The following ARFGEF2 variants were observed in gnomAD, a reference collection of about 807,000 sequenced individuals.
ARFGEF2 encodes ARF guanine nucleotide exchange factor 2, also known as brefeldin A-inhibited guanine nucleotide-exchange protein 2.
ARFGEF2 carries 74 observed loss-of-function variants against 219.9 expected under a neutral mutation model. The ratio of observed to expected loss-of-function variants is 0.34; its 90% CI spans 0.28 to 0.41. The LOEUF (loss-of-function observed/expected upper bound fraction) is 0.41. ARFGEF2 is among the 10% of genes least tolerant of loss of function. ARFGEF2 has a pLI of 1.00. For missense variants in ARFGEF2, 1,743 were observed against 2,218.3 expected (o/e 0.79, Z 4.30); for synonymous variants, 733 against 799.2 (o/e 0.92, Z 1.40).
chr20:49,008,269 T>C (rs2091475119), intron 26 of ARFGEF2, among the ~76,000 whole-genome samples: 1 of 152,214 alleles, frequency 6.6e-6, no homozygotes, highest in Admixed American at 6.5e-5. Context: ...GTTAAAAATG[T>C]TCACAATGTT....
chr20:48,985,519 A>G lies in ARFGEF2; in HGVS notation c.2182A>G (p.Thr728Ala). Residue 728 changes from threonine to alanine, a missense_variant, in exon 16 of 39, where the codon ACA (threonine) becomes GCA (alanine). Around this residue, in one of 5 missense-constraint regions of ARFGEF2, gnomAD observed 666 missense variants for 955.4 expected, o/e 0.70. Transcript: ENST00000371917. ...AAAAGAATTTGTCTCAGCCCTGCGGACATTCCTAGAAGGTTTCCGCCTACC... is the reference window on the plus strand; with the variant it reads ...AAAAGAATTTGTCTCAGCCCTGCGGGCATTCCTAGAAGGTTTCCGCCTACC... ...CEKEFVSALR[T>A]FLEGFRLPGE... is the part of the protein sequence containing the mutation. The G allele has an allele frequency of 1.2e-6, 2 of 1,614,192 alleles. No individual in the cohort carries two copies. Among genetic ancestry groups the G allele is most frequent in the Non-Finnish European group, 8.5e-7 (1 of 1,180,036 alleles).
intron 21 of ARFGEF2, 45 bp from the exon 22 acceptor site, chr20:48,994,406 A>G (rs1026487212): frequency 6.2e-7 from 1 of 1,611,552 alleles, no homozygotes; most frequent in Non-Finnish European, 8.5e-7. Context: ...CCCTTTTTCT[A>G]GCTGTAAGGT....
At chr20:49,002,693 C>A (rs1222038480) in intron 25 of ARFGEF2, among the ~76,000 whole-genome samples, 2 of 152,142 alleles carry the variant, frequency 1.3e-5, no homozygotes, top group African/African-American at 4.8e-5. Flanking sequence ...CTCACTGCAA[C>A]CTCTGCCTGC....
At position 48,951,320 on chromosome 20, in the gene ARFGEF2, T is replaced by C; in HGVS notation, c.277-3T>C. 1 of 1,614,064 alleles carries C rather than the reference T, an allele frequency of 6.2e-7. No homozygotes were observed. The highest frequency in any genetic ancestry group is 1.7e-5 in the Admixed American group (1 of 60,016). ...GTATAATCTCTGTTCTTTCTCTCTT[T>C]AGAAACTCATCGCATACGGGCACAT... is the stretch of plus-strand genomic sequence containing the variant. On this transcript the variant is annotated splice_polypyrimidine_tract_variant and splice_region_variant and intron_variant, in intron 3 of 38. Coordinates refer to ENST00000371917, the MANE Select transcript of ARFGEF2 (RefSeq NM_006420.3).
intron 37 of ARFGEF2, among the ~76,000 whole-genome samples, chr20:49,029,902 A>AATTTT (rs1555816762): frequency 1.0e-5 from 1 of 97,782 alleles, no homozygotes; most frequent in African/African-American, 4.4e-5. Flanking sequence ...CTAAAAGTGA[A>AATTTT]TTTTTTTTTT....
chr20:49,030,809 C>A (rs2091629786), intron 37 of ARFGEF2, among the ~76,000 whole-genome samples: 2 of 151,944 alleles, frequency 1.3e-5, no homozygotes, highest in African/African-American at 4.8e-5. Context: ...CCAGCCTGGC[C>A]AACATGGCCC....
intron 23 of ARFGEF2, 88 bp downstream of exon 23, chr20:48,995,970 C>A (rs2091383468): frequency 1.7e-6 from 2 of 1,177,762 alleles, no homozygotes; most frequent in Non-Finnish European, 2.6e-6. Context: ...TTCCTAATTT[C>A]TTTAACTGAT....
chr20:48,934,857 T>C (rs938375385), intron 1 of ARFGEF2, among the ~76,000 whole-genome samples: 2 of 152,236 alleles, frequency 1.3e-5, no homozygotes, highest in Admixed American at 1.3e-4. Context: ...TGTAATCCTT[T>C]GGGTATATAC....
At chr20:49,024,639 C>G (rs775345914) in intron 35 of ARFGEF2, among the ~76,000 whole-genome samples, 5 of 152,142 alleles carry the variant, frequency 3.3e-5, no homozygotes, top group Non-Finnish European at 5.9e-5. Context: ...AGAGGCTGTC[C>G]TTTTGATTTT....
intron 1 of ARFGEF2, among the ~76,000 whole-genome samples, chr20:48,935,070 C>T (rs928256771): frequency 5.3e-5 from 8 of 151,138 alleles, no homozygotes; most frequent in Non-Finnish European, 1.0e-4. Context: ...GATGGTATCT[C>T]GTTGTGGTTT....
rs563316095 is a variant in ARFGEF2, at chr20:48,954,817, G to T, written c.838+1027G>T. Among the ~76,000 whole-genome samples the T allele has an allele frequency of 3.3e-5, 5 of 152,044 alleles. No homozygotes were observed. The South Asian group carries it at 1.0e-3, about 32-fold the overall frequency. ...TTGCCTTCTACTTACTTCTGCTGTC[G>T]AGAGTCCTAAGGAAGGTGCTCAGAA... is the stretch of plus-strand genomic sequence containing the variant. On this transcript the variant is annotated intron_variant, in intron 6 of 38. Transcript: ENST00000371917.
Position 49,005,555 on chromosome 20 carries a change from G to A in ARFGEF2, c.3584+334G>A, listed in dbSNP as rs1011886362. Among the ~76,000 whole-genome samples the A allele has an allele frequency of 1.3e-4, 20 of 151,874 alleles. No individual in the cohort carries two copies. In the South Asian group the frequency reaches 2.3e-3, roughly 17 times the overall value. The stretch of plus-strand genomic sequence containing the variant: ...AGATCGAGACCATCCTGGCTAACAC[G>A]GTGAAACCCCGTCTTTACTAAAAAT... On this transcript the variant is annotated intron_variant, in intron 26 of 38. Coordinates refer to ENST00000371917, the MANE Select transcript of ARFGEF2 (RefSeq NM_006420.3).
intron 30 of ARFGEF2, among the ~76,000 whole-genome samples, chr20:49,015,525 G>T (rs758527499): frequency 6.6e-6 from 1 of 152,182 alleles, no homozygotes; most frequent in Non-Finnish European, 1.5e-5. Context: ...GCACTGAAAT[G>T]AACATTTTTT....
intron 1 of ARFGEF2, among the ~76,000 whole-genome samples, chr20:48,925,546 T>A (rs1346513103): frequency 6.6e-6 from 1 of 152,098 alleles, no homozygotes; most frequent in Admixed American, 6.5e-5. Context: ...ATGGAAAAAT[T>A]TATCTATGGC....
intron 26 of ARFGEF2, 130 bp from the exon 27 acceptor site, chr20:49,010,102 C>A: frequency 1.7e-6 from 2 of 1,155,714 alleles, no homozygotes; most frequent in Non-Finnish European, 2.5e-6. Flanking sequence ...GGAAACGGGG[C>A]AGAGCCCAAA....
intron 25 of ARFGEF2, 129 bp from the exon 26 acceptor site, chr20:49,004,940 CT>C: frequency 1.9e-6 from 2 of 1,028,922 alleles, no homozygotes; most frequent in Non-Finnish European, 1.5e-6. Context: ...ATAGCATTTT[CT>C]TTTCTCCTTA....
chr20:48,989,775 TAATC>T, intron 20 of ARFGEF2, 91 bp downstream of exon 20: 1 of 1,572,994 alleles, frequency 6.4e-7, no homozygotes, highest in Non-Finnish European at 8.7e-7. Context: ...AATTTTCAGT[TAATC>T]AAGACTCTTA....
chr20:49,021,464 C>A (rs983329419), intron 34 of ARFGEF2, among the ~76,000 whole-genome samples: 2 of 152,074 alleles, frequency 1.3e-5, no homozygotes, highest in Non-Finnish European at 2.9e-5. Context: ...CCCTTGGGCC[C>A]TCAGGGATTG....
intron 1 of ARFGEF2, among the ~76,000 whole-genome samples, chr20:48,926,388 G>A (rs1465883634): frequency 6.6e-6 from 1 of 152,002 alleles, no homozygotes; most frequent in Non-Finnish European, 1.5e-5. Flanking sequence ...TTAATTAGGG[G>A]CTAATGGAAA....
Sources: gnomAD v4.1 joint callset for allele counts (sites outside exome capture counted in the v4.1 genomes callset) on GRCh38, gnomAD v4.1.1 for gene constraint, gnomAD v4.1.1 regional missense constraint, MANE v1.5 for transcripts, NCBI Gene and HGNC (gene_info 2026-07-23, HGNC 2026-07-21) for gene names.